The following ZYG11B variants were observed in gnomAD, a reference collection of about 807,000 sequenced individuals.
ZYG11B encodes the protein zyg-11 family member B, cell cycle regulator, also known as protein zyg-11 homolog B.
A neutral mutation model predicts 82.4 loss-of-function variants in ZYG11B; 36 were observed. The observed-to-expected ratio is 0.44, with a 90% confidence interval of 0.33 to 0.58. The LOEUF is 0.58. Ranked by LOEUF, ZYG11B falls within the 20% of genes least tolerant of loss-of-function variation. The probability of loss-of-function intolerance (pLI) is 0.02; values close to 1 mark genes in which losing one functional copy is unlikely to be tolerated. For missense variants in ZYG11B, 552 were observed against 895.6 expected (o/e 0.62, Z 4.90); for synonymous variants, 303 against 312.8 (o/e 0.97, Z 0.33).
At chr1:52,812,953 C>T (rs1489405041) in intron 10 of ZYG11B, among the ~76,000 whole-genome samples, 1 of 152,108 alleles carries the variant, frequency 6.6e-6, no homozygotes, top group South Asian at 2.1e-4. Flanking sequence ...TCTTAAACTC[C>T]CAACCTCTCA....
chr1:52,766,258 C>A (rs1335985111), intron 2 of ZYG11B, among the ~76,000 whole-genome samples: 15 of 151,810 alleles, frequency 9.9e-5, no homozygotes, highest in African/African-American at 3.1e-4. Context: ...GTAGCTGGGA[C>A]TACAGGCGTG....
At chr1:52,760,543 ATTTTTTTACTTAT>A (rs918451281) in intron 2 of ZYG11B, among the ~76,000 whole-genome samples, 1 of 152,104 alleles carries the variant, frequency 6.6e-6, no homozygotes, top group Non-Finnish European at 1.5e-5. Context: ...TACATTTAAA[ATTTTTTTACTTAT>A]TTACTCAATT....
intron 1 of ZYG11B, among the ~76,000 whole-genome samples, chr1:52,731,264 G>A (rs1449435968): frequency 1.4e-5 from 2 of 142,616 alleles, no homozygotes; most frequent in African/African-American, 5.4e-5. Flanking sequence ...AACAGAGTGA[G>A]GCTCCATCTC....
chr1:52,789,586 AGT>A (rs1347314927), intron 5 of ZYG11B, among the ~76,000 whole-genome samples: 6 of 152,152 alleles, frequency 3.9e-5, no homozygotes, highest in Admixed American at 3.9e-4. Context: ...TTTAGAGGCC[AGT>A]GTGTAGAACA....
intron 1 of ZYG11B, among the ~76,000 whole-genome samples, chr1:52,737,020 T>C (rs539753021): frequency 2.6e-4 from 40 of 152,050 alleles, no homozygotes; most frequent in African/African-American, 8.4e-4. Context: ...CATTATGCTG[T>C]TTTTTGTGCC....
At chr1:52,757,204 G>A (rs1468892779) in intron 2 of ZYG11B, among the ~76,000 whole-genome samples, 2 of 151,778 alleles carry the variant, frequency 1.3e-5, no homozygotes, top group African/African-American at 4.8e-5. Context: ...GTAGAGATAA[G>A]GTCTCACTCT....
intron 1 of ZYG11B, among the ~76,000 whole-genome samples, chr1:52,752,596 CAG>C (rs1644535720): frequency 1.3e-5 from 2 of 152,186 alleles, no homozygotes; most frequent in South Asian, 4.1e-4. Flanking sequence ...AGGCCCTCCT[CAG>C]GGGATCTTGG....
intron 4 of ZYG11B, among the ~76,000 whole-genome samples, chr1:52,782,777 C>T (rs1359482850): frequency 1.3e-5 from 2 of 151,662 alleles, no homozygotes; most frequent in Admixed American, 6.6e-5. Flanking sequence ...CTATGTTACA[C>T]AGGCTAATTT....
intron 13 of ZYG11B, among the ~76,000 whole-genome samples, chr1:52,817,886 G>GGAGTGCA (rs1401188184): frequency 8.3e-6 from 1 of 119,780 alleles, no homozygotes; most frequent in Non-Finnish European, 1.7e-5. Context: ...CACCCAGGCT[G>GGAGTGCA]GAGTGCAGTG....
chr1:52,783,962 A>G (rs1402529068), intron 4 of ZYG11B, among the ~76,000 whole-genome samples: 4 of 48,244 alleles, frequency 8.3e-5, no homozygotes, highest in African/African-American at 4.9e-4. Context: ...ATATACACAT[A>G]CACACATATA....
At chr1:52,787,860 T>C (rs971205994) in intron 5 of ZYG11B, among the ~76,000 whole-genome samples, 1 of 152,186 alleles carries the variant, frequency 6.6e-6, no homozygotes, top group Non-Finnish European at 1.5e-5. Flanking sequence ...TAAACTATTT[T>C]GAAATTTTTT....
chr1:52,730,576 G>A (rs543670830), intron 1 of ZYG11B, among the ~76,000 whole-genome samples: 7 of 152,244 alleles, frequency 4.6e-5, no homozygotes, highest in Admixed American at 6.5e-5. Context: ...GGATCTTCCC[G>A]CTTTGGCCTC....
Position 52,771,613 on chromosome 1 carries a change from A to T in ZYG11B, c.790A>T (p.Ile264Phe). ...IALRLLEQKD[I>F]LPNLVSLDVS... is the part of the protein sequence containing the mutation. ...TCTTCGCTTACTAGAACAAAAAGAC[A>T]TCCTACCTAACCTTGTTTCTCTGGA... Residue 264 changes from isoleucine (I) to phenylalanine (F), a missense_variant, in exon 3 of 14, where the codon ATC becomes TTC. Transcript: ENST00000294353. This position sits in a 1 kb window ranked among gnomAD's most constrained non-coding sequence, Gnocchi z 5.4. 6.2e-7 allele frequency: 1 copy of T among 1,614,180 alleles called. No individual in the cohort carries two copies. The highest frequency in any genetic ancestry group is 8.5e-7 in the Non-Finnish European group (1 of 1,180,040).
chr1:52,776,721 A>AG (rs1473483624), intron 3 of ZYG11B, among the ~76,000 whole-genome samples: 1 of 152,126 alleles, frequency 6.6e-6, no homozygotes, highest in Non-Finnish European at 1.5e-5. Context: ...TCCCTCTTAG[A>AG]GTTTTTTTCA....
chr1:52,757,463 G>C, intron 2 of ZYG11B, among the ~76,000 whole-genome samples: 1 of 151,938 alleles, frequency 6.6e-6, no homozygotes, highest in East Asian at 2.0e-4. Context: ...ATCACCTGAG[G>C]TCAGGAGTTC....
At chr1:52,803,209 CACAT>C (rs753956716) in intron 10 of ZYG11B, among the ~76,000 whole-genome samples, 4,431 of 74,234 alleles carry the variant, frequency 0.06, 709 homozygotes, top group East Asian at 0.5. Context: ...TATATACACA[CACAT>C]ATATATATAT....
At chr1:52,779,253 G>A (rs1457991038) in intron 3 of ZYG11B, among the ~76,000 whole-genome samples, 1 of 152,084 alleles carries the variant, frequency 6.6e-6, no homozygotes, top group Non-Finnish European at 1.5e-5. Context: ...AGGCAGATAG[G>A]ATCCTAATCA....
rs567660385 is a variant in ZYG11B at position 52,759,094 on chromosome 1, G to A, written c.196+2471G>A. Among the ~76,000 whole-genome samples, 6 of 152,194 alleles carry A rather than the reference G, an allele frequency of 3.9e-5. No homozygotes were observed. The South Asian group carries it at 1.2e-3, about 32-fold the overall frequency. On this transcript the variant is annotated intron_variant, in intron 2 of 13. Transcript: ENST00000294353. ...CTACAGGTGCCCACCAACACGCCCA[G>A]CTAATTTTTGTATTTTTAGTAGAGA...
At chr1:52,737,489 G>A (rs1571740147) in intron 1 of ZYG11B, among the ~76,000 whole-genome samples, 1 of 152,174 alleles carries the variant, frequency 6.6e-6, no homozygotes, top group East Asian at 1.9e-4. Flanking sequence ...AACAATATTG[G>A]CTGGTGGTGG....
Sources: gnomAD v4.1 joint callset for allele counts (sites outside exome capture counted in the v4.1 genomes callset) on GRCh38, gnomAD v4.1.1 for gene constraint, Gnocchi (gnomAD v3.1) non-coding constraint, MANE v1.5 for transcripts, NCBI Gene and HGNC (gene_info 2026-07-23, HGNC 2026-07-21) for gene names.